Variants in LRFN5 observed in about 807,000 individuals in gnomAD.
The protein encoded by LRFN5 is leucine-rich repeat and fibronectin type-III domain-containing protein 5.
Under a neutral mutation model 45.6 loss-of-function variants are expected in LRFN5, and 24 were observed. The observed-to-expected ratio is 0.53, with a 90% CI of 0.38 to 0.74. The LOEUF (loss-of-function observed/expected upper bound fraction) is 0.74, where lower values mean the gene tolerates loss of function less well. Ranked by LOEUF, LRFN5 falls within the 30% of genes least tolerant of loss-of-function variation. LRFN5 has a pLI of 0.00. For synonymous variants in LRFN5, 340 were observed against 313.8 expected (o/e 1.08, Z -0.88); for missense variants, 776 against 861.5 (o/e 0.90, Z 1.24).
intron 2 of LRFN5, among the ~76,000 whole-genome samples, chr14:41,863,517 T>C (rs1889738595): frequency 6.6e-6 from 1 of 152,190 alleles, no homozygotes; most frequent in Non-Finnish European, 1.5e-5. Context: ...TTATGATTTC[T>C]CTTTTGACCC....
chr14:41,614,796 A>G (rs1266744924), intron 1 of LRFN5, among the ~76,000 whole-genome samples: 1 of 152,054 alleles, frequency 6.6e-6, no homozygotes, highest in Non-Finnish European at 1.5e-5. Context: ...GGTTTCAGTG[A>G]TATAGTTCAT....
intron 1 of LRFN5, among the ~76,000 whole-genome samples, chr14:41,730,627 T>G (rs1884130954): frequency 6.6e-6 from 1 of 151,966 alleles, no homozygotes; most frequent in South Asian, 2.1e-4. Flanking sequence ...TATTATATAA[T>G]TTTCATTTTT....
intron 1 of LRFN5, among the ~76,000 whole-genome samples, chr14:41,643,054 A>T (rs1486107962): frequency 6.6e-6 from 1 of 152,196 alleles, no homozygotes; most frequent in Non-Finnish European, 1.5e-5. Context: ...ATGCAGTGTT[A>T]AAAATTCATC....
intron 1 of LRFN5, among the ~76,000 whole-genome samples, chr14:41,611,376 C>G (rs908145815): frequency 2.6e-5 from 4 of 152,172 alleles, no homozygotes; most frequent in African/African-American, 7.2e-5. Flanking sequence ...CTTTGAAAAT[C>G]TAAGTCCACT....
rs1004120936 is a variant in LRFN5, at chr14:41,844,254, G to A, written c.-20-42352G>A. On this transcript the variant is annotated intron_variant, in intron 2 of 5. Coordinates refer to ENST00000298119, the MANE Select transcript of LRFN5 (RefSeq NM_152447.5). ...AGATCGAGACCATCCTGGCTAACAT[G>A]GTGAAACCCCGTCTCTACTAAAAAT... Among the ~76,000 whole-genome samples the A allele has an allele frequency of 1.3e-4, 20 of 152,082 alleles. No individual in the cohort carries two copies. The South Asian group carries it at 3.5e-3, about 27-fold the overall frequency.
At chr14:41,656,297 G>A (rs891319480) in intron 1 of LRFN5, among the ~76,000 whole-genome samples, 10 of 151,896 alleles carry the variant, frequency 6.6e-5, no homozygotes, top group Admixed American at 3.9e-4. Context: ...AGTTTTTATT[G>A]TTGCCTACAC....
At chr14:41,862,957 C>CAGGT in intron 2 of LRFN5, among the ~76,000 whole-genome samples, 1 of 150,924 alleles carries the variant, frequency 6.6e-6, no homozygotes, top group African/African-American at 2.4e-5. Flanking sequence ...CTCCGCCTCC[C>CAGGT]AGGTTCACGC....
At chr14:41,623,420 C>A (rs546917958) in intron 1 of LRFN5, among the ~76,000 whole-genome samples, 2 of 151,942 alleles carry the variant, frequency 1.3e-5, no homozygotes, top group African/African-American at 2.4e-5. Flanking sequence ...TACCTAGTCT[C>A]GGGCAGTTCT....
chr14:41,859,079 G>A (rs1889572854), intron 2 of LRFN5, among the ~76,000 whole-genome samples: 1 of 152,100 alleles, frequency 6.6e-6, no homozygotes. Flanking sequence ...CTGACTTGTA[G>A]CATTTATGAA....
chr14:41,890,175 T>A (rs1330265421), intron 3 of LRFN5, among the ~76,000 whole-genome samples: 3 of 152,000 alleles, frequency 2.0e-5, no homozygotes, highest in Non-Finnish European at 4.4e-5. Flanking sequence ...ATCACTGGAA[T>A]TAGGTGATAT....
chr14:41,781,595 A>AG (rs1168083665), intron 2 of LRFN5, among the ~76,000 whole-genome samples: 27 of 103,542 alleles, frequency 2.6e-4, no homozygotes, highest in South Asian at 1.0e-3. Flanking sequence ...AAAGAAAGAA[A>AG]GAAAGAAAGA....
At chr14:41,680,765 C>T (rs187613669) in intron 1 of LRFN5, among the ~76,000 whole-genome samples, 3 of 152,076 alleles carry the variant, frequency 2.0e-5, no homozygotes, top group Admixed American at 2.0e-4. Flanking sequence ...ACCAAATGAA[C>T]TAAATAAACC....
At chr14:41,902,971 A>G (rs1053788130) in intron 5 of LRFN5, among the ~76,000 whole-genome samples, 1 of 151,704 alleles carries the variant, frequency 6.6e-6, no homozygotes, top group African/African-American at 2.4e-5. Flanking sequence ...AGTATATTCC[A>G]GGTAAATTAT....
At chr14:41,609,186 T>TAAATCC (rs1887627664) in intron 1 of LRFN5, among the ~76,000 whole-genome samples, 1 of 152,218 alleles carries the variant, frequency 6.6e-6, no homozygotes, top group Admixed American at 6.5e-5. Context: ...GACGTGCTTT[T>TAAATCC]ATGTAGCAGA....
intron 2 of LRFN5, among the ~76,000 whole-genome samples, chr14:41,852,777 A>T (rs533085573): frequency 6.6e-6 from 1 of 152,112 alleles, no homozygotes; most frequent in South Asian, 2.1e-4. Flanking sequence ...ATTGAATAAA[A>T]CTACCTAAAT....
At chr14:41,755,907 A>T (rs970290343) in intron 1 of LRFN5, among the ~76,000 whole-genome samples, 8 of 152,080 alleles carry the variant, frequency 5.3e-5, no homozygotes, top group Non-Finnish European at 4.4e-5. Context: ...CTGGTACCGG[A>T]TGTTCCTTTC....
intron 2 of LRFN5, among the ~76,000 whole-genome samples, chr14:41,859,590 A>G (rs967884613): frequency 1.3e-5 from 2 of 152,212 alleles, no homozygotes; most frequent in Non-Finnish European, 2.9e-5. Flanking sequence ...GCCTACTTAT[A>G]GCCATATTTA....
At chr14:41,699,215 G>A (rs1331556730) in intron 1 of LRFN5, among the ~76,000 whole-genome samples, 1 of 152,004 alleles carries the variant, frequency 6.6e-6, no homozygotes, top group Non-Finnish European at 1.5e-5. Flanking sequence ...TGTCTCTGGG[G>A]TAGGTTATGA....
rs79553215 is a variant in LRFN5 at position 41,839,715 on chromosome 14, G to A, written c.-20-46891G>A. On this transcript the variant is annotated intron_variant, in intron 2 of 5. Coordinates refer to ENST00000298119, the MANE Select transcript of LRFN5 (RefSeq NM_152447.5). The stretch of plus-strand genomic sequence containing the variant: ...CTCACCAAAGCTATTTCTGTGGAGG[G>A]ACCTTGAAAATGATCAGCTTTCTCT... 9.6e-3 allele frequency among the ~76,000 whole-genome samples: 1,459 copies of A among 152,184 alleles called. 18 individuals are homozygous for A. Among genetic ancestry groups the A allele is most frequent in the African/African-American group, 0.033 (1,372 of 41,544 alleles).
Sources: gnomAD v4.1 joint callset for allele counts (sites outside exome capture counted in the v4.1 genomes callset) on GRCh38, gnomAD v4.1.1 for gene constraint, MANE v1.5 for transcripts, NCBI Gene and HGNC (gene_info 2026-07-23, HGNC 2026-07-21) for gene names.